The following PHLDB1 variants were observed in gnomAD, a reference collection of about 807,000 sequenced individuals.
PHLDB1 encodes pleckstrin homology like domain family B member 1, also known as pleckstrin homology-like domain family B member 1.
A neutral mutation model predicts 139.3 loss-of-function variants in PHLDB1; 65 were observed. The observed-to-expected ratio is 0.47, with a 90% CI of 0.38 to 0.57. The LOEUF (loss-of-function observed/expected upper bound fraction) is 0.57, where lower values mean the gene tolerates loss of function less well. Ranked by LOEUF, PHLDB1 falls within the 20% of genes least tolerant of loss-of-function variation. The probability of loss-of-function intolerance (pLI) is 0.00; values close to 1 mark genes in which losing one functional copy is unlikely to be tolerated. For synonymous variants in PHLDB1, 679 were observed against 734.5 expected (o/e 0.92, Z 1.22); for missense variants, 1,624 against 1,839.7 (o/e 0.88, Z 2.14).
intron 10 of PHLDB1, 106 bp from the exon 11 acceptor site, chr11:118,638,785 C>A (rs1946048886): frequency 2.5e-6 from 2 of 792,002 alleles, no homozygotes; most frequent in Non-Finnish European, 4.0e-6. Flanking sequence ...GCTGGTTGAT[C>A]CCCTTCACCT....
rs143449504 is a variant in PHLDB1, at chr11:118,639,208, C to T, written c.2693C>T (p.Thr898Ile). The change falls in exon 12 of 23, where the codon ACA (threonine) becomes ATA (isoleucine). Residue 898 changes from threonine to isoleucine, a missense_variant. By Grantham distance (89) the Thr-to-Ile change is moderately conservative (BLOSUM62 -1). Coordinates refer to ENST00000600882, the MANE Select transcript of PHLDB1 (RefSeq NM_001144758.3). ...CTGGAAAGGAGATACCACTCACTCACAGGGGGCAGGCCTTTCCCGAAGACC... is the reference window on the plus strand; with the variant it reads ...CTGGAAAGGAGATACCACTCACTCATAGGGGGCAGGCCTTTCCCGAAGACC... The part of the protein sequence containing the change: ...TVLERRYHSL[T>I]GGRPFPKTTS... The T allele has an allele frequency of 2.5e-6, 4 of 1,614,120 alleles. No individual in the cohort carries two copies. In the African/African-American group the frequency reaches 5.3e-5, roughly 22 times the overall value.
In PHLDB1 at chr11:118,643,883, T is replaced by C; in HGVS notation, c.2961T>C (p.Ser987=). The C allele has an allele frequency of 6.2e-7, 1 of 1,602,398 alleles. No homozygotes were observed. The highest frequency in any genetic ancestry group is 8.5e-7 in the Non-Finnish European group (1 of 1,171,310). The part of the protein sequence containing the change: ...RSGPLPSSSG[S]SSSSSQLSVA... ...GCCCCCTCCCCTCCTCCTCTGGCTC[T>C]TCCTCCTCCTCCTCCCAGCTCAGCG... is the stretch of plus-strand genomic sequence containing the variant. Residue 987 remains serine (S), a synonymous_variant, in exon 14 of 23, where the codon TCT becomes TCC. Transcript: ENST00000600882.
rs1555083402 is a variant in PHLDB1, at chr11:118,610,907, G to C, written c.-21-2909G>C. ...TCGCTCGTCAAATCCAGACACCTGG[G>C]CCTCCGCCACTCGGCTGCCGGGGCG... On this transcript the variant is annotated intron_variant, in intron 1 of 22. Coordinates refer to ENST00000600882, the MANE Select transcript of PHLDB1 (RefSeq NM_001144758.3). This position sits in a 1 kb window ranked among gnomAD's most constrained non-coding sequence, Gnocchi z 8.7. 6.6e-6 allele frequency among the ~76,000 whole-genome samples: 1 copy of C among 152,194 alleles called. No homozygotes were observed. The highest frequency in any genetic ancestry group is 2.4e-5 in the African/African-American group (1 of 41,462).
chr11:118,608,919 A>G lies in PHLDB1; in HGVS notation c.-22+1220A>G, dbSNP rs1293729420. On this transcript the variant is annotated intron_variant, in intron 1 of 22. Transcript: ENST00000600882. The surrounding 1 kb of genome is among the most constrained non-coding windows in gnomAD (Gnocchi z 6.7). Reference sequence around the variant, plus strand: ...GTCACACAGCCTACCTCACACACGCACCCCAGTCACACACACAACCCAGCT... The same window carrying G: ...GTCACACAGCCTACCTCACACACGCGCCCCAGTCACACACACAACCCAGCT... Among the ~76,000 whole-genome samples, 1 of 148,770 alleles carries G rather than the reference A, an allele frequency of 6.7e-6. No homozygotes were observed.
In PHLDB1 at chr11:118,639,048, G is replaced by A. The variant is rs528478467; in HGVS notation, c.2646+47G>A. 11 of 1,567,946 alleles carry A rather than the reference G, an allele frequency of 7.0e-6. No homozygotes were observed. In the East Asian group the frequency reaches 2.5e-4, roughly 35 times the overall value. ...CGGGAGATTTGGAGTAGGGTAAGTG[G>A]GAGGGGAGTGCAGAAGGACTGGGGT... On this transcript the variant is annotated intron_variant, in intron 11 of 22. Transcript: ENST00000600882.
Position 118,645,412 on chromosome 11 carries a change from G to A in PHLDB1, c.3178G>A (p.Ala1060Thr). Reference protein sequence around the residue: ...RRLAELKQKAAAEAQCQWDAL... With the variant: ...RRLAELKQKATAEAQCQWDAL... ...ACTGGCTGAGCTGAAGCAGAAAGCG[G>A]CAGCTGAGGCACAGTGCCAGTGGGA... The change falls in exon 16 of 23, where the codon GCA (alanine) becomes ACA (threonine). Residue 1060 changes from alanine (A) to threonine (T), a missense_variant. Ala to Thr is a moderately conservative substitution (Grantham distance 58). Transcript: ENST00000600882. This position sits in a 1 kb window ranked among gnomAD's most constrained non-coding sequence, Gnocchi z 5.1. 6.5e-7 allele frequency: 1 copy of A among 1,531,556 alleles called. No individual in the cohort carries two copies. The highest frequency in any genetic ancestry group is 8.8e-7 in the Non-Finnish European group (1 of 1,140,190). The allele number at this position is 1,531,556 out of a possible 1,614,324, so 94.9% of individuals were successfully genotyped here. A position where few individuals can be genotyped will look rare whatever the true frequency, so the allele number is the denominator to read the frequency against.
intron 21 of PHLDB1, 58 bp from the exon 22 acceptor site, chr11:118,655,802 A>G (rs750004345): frequency 1.3e-6 from 2 of 1,544,736 alleles, no homozygotes; most frequent in Non-Finnish European, 1.8e-6. Flanking sequence ...AGAGGCTCCA[A>G]CCCAGTCCTT....
At chr11:118,629,955 G>C (rs1944505176) in intron 6 of PHLDB1, 5 of 1,257,506 alleles carry the variant, frequency 4.0e-6, no homozygotes, top group East Asian at 5.6e-5. Context: ...ACCTCAACCA[G>C]GCTGCTTATC....
Position 118,650,175 on chromosome 11 carries a change from C to T in PHLDB1, c.3753C>T (p.His1251=), listed in dbSNP as rs377169216. ...GCCATGGTGTTGATACCTGCCTGCA[C>T]GTGGTGCTCAGCAGCAAGGTACAAG... The part of the protein sequence containing the change: ...SSGHGVDTCL[H]VVLSSKVCRG... The change falls in exon 19 of 23, where the codon CAC becomes CAT. Residue 1251 remains histidine (H), a synonymous_variant. Transcript: ENST00000600882. This position sits in a 1 kb window ranked among gnomAD's most constrained non-coding sequence, Gnocchi z 4.7. 29 of 1,612,852 alleles carry T rather than the reference C, an allele frequency of 1.8e-5. No homozygotes were observed. The highest frequency in any genetic ancestry group is 1.6e-4 in the Middle Eastern group (1 of 6,080).
intron 12 of PHLDB1, chr11:118,641,242 G>A (rs1946461356): frequency 6.5e-6 from 1 of 153,604 alleles, no homozygotes; most frequent in South Asian, 2.0e-4. Flanking sequence ...CAGCCACCGA[G>A]GGTGCCCACC....
In PHLDB1 at chr11:118,631,278, T is replaced by C. The variant is rs1309625864; in HGVS notation, c.1899T>C (p.Ala633=). 10 of 1,516,492 alleles carry C rather than the reference T, an allele frequency of 6.6e-6. No homozygotes were observed. The highest frequency in any genetic ancestry group is 1.4e-5 in the African/African-American group (1 of 69,834). 93.9% of individuals were successfully genotyped at this position (1,516,492 alleles called of 1,614,324 possible). The change falls in exon 7 of 23, where the codon GCT becomes GCC. Residue 633 remains alanine, a synonymous_variant. Transcript: ENST00000600882. The part of the protein sequence containing the change: ...EYSRADGGPE[A]GELPSIGEAT... ...GCCGGGCTGATGGGGGACCTGAGGC[T>C]GGGGAGCTTCCCAGCATTGGGGAGG...
intron 4 of PHLDB1, among the ~76,000 whole-genome samples, chr11:118,618,315 C>G (rs908450200): frequency 6.6e-6 from 1 of 152,142 alleles, no homozygotes; most frequent in African/African-American, 2.4e-5. Flanking sequence ...CTCCCCAGTC[C>G]TCCCCCTCCC....
chr11:118,650,250 G>A lies in PHLDB1; in HGVS notation c.3771+57G>A, dbSNP rs1555134933. ...GGAGAGGGAGAATCCCGTGGTGAGA[G>A]GCACCTCCTGGGTCGTTGGAATAGT... On this transcript the variant is annotated intron_variant, in intron 19 of 22. Transcript: ENST00000600882. The surrounding 1 kb of genome is among the most constrained non-coding windows in gnomAD (Gnocchi z 4.7). 8.3e-6 allele frequency: 11 copies of A among 1,317,586 alleles called. No individual in the cohort carries two copies. The highest frequency in any genetic ancestry group is 1.1e-5 in the Non-Finnish European group (10 of 910,210). 81.6% of individuals were successfully genotyped at this position (1,317,586 alleles called of 1,614,324 possible). A position where few individuals can be genotyped will look rare whatever the true frequency, so the allele number is the denominator to read the frequency against.
At chr11:118,623,117 GGCCT>G (rs1943142446) in intron 4 of PHLDB1, among the ~76,000 whole-genome samples, 1 of 152,202 alleles carries the variant, frequency 6.6e-6, no homozygotes. Flanking sequence ...TTGCCCTTGC[GGCCT>G]GCCTGAGCTG....
At chr11:118,607,537 C>T (rs2135571689), upstream of PHLDB1, 1 of 24,770 alleles carries the variant, frequency 4.0e-5, no homozygotes, top group African/African-American at 1.9e-4. Context: ...GGACGGGGGA[C>T]GGGGGCGGGG....
Position 118,632,955 on chromosome 11 carries a change from GC to G in PHLDB1, c.2379+662del. ...TGGATTTTTTGAGTTTCTTCCTCCT[GC>G]CCTCAATTTTGAGAATCTTAAAAAT... is the stretch of plus-strand genomic sequence containing the variant. On this transcript the variant is annotated intron_variant, in intron 9 of 22. Transcript: ENST00000600882. This position sits in a 1 kb window ranked among gnomAD's most constrained non-coding sequence, Gnocchi z 5.9. The G allele has an allele frequency of 2.2e-6, 1 of 448,334 alleles. No homozygotes were observed. Among genetic ancestry groups the G allele is most frequent in the Non-Finnish European group, 2.9e-6 (1 of 340,704 alleles). The allele number at this position is 448,334 out of a possible 1,614,324, so 27.8% of individuals were successfully genotyped here. A position where few individuals can be genotyped will look rare whatever the true frequency, so the allele number is the denominator to read the frequency against.
Position 118,655,601 on chromosome 11 carries a change from G to T in PHLDB1, c.3875-4G>T, listed in dbSNP as rs201996552. 5.0e-6 allele frequency: 8 copies of T among 1,604,002 alleles called. No homozygotes were observed. Among genetic ancestry groups the T allele is most frequent in the Non-Finnish European group, 6.8e-6 (8 of 1,170,952 alleles). ...TCCATAGCCCACCCTTACTTGCTTT[G>T]CAGACAAGCATGAGACGAAGCTGAA... On this transcript the variant is annotated splice_region_variant and splice_polypyrimidine_tract_variant and intron_variant, in intron 20 of 22. Coordinates refer to ENST00000600882, the MANE Select transcript of PHLDB1 (RefSeq NM_001144758.3).
In PHLDB1 at chr11:118,650,410, T is replaced by C. The variant is rs1948182286; in HGVS notation, c.3772-35T>C. The stretch of plus-strand genomic sequence containing the variant: ...ACACACTTAAGGCTTAAGGGCTGCA[T>C]ATTTGGGTCCTTCCTTACTCCTGCT... On this transcript the variant is annotated intron_variant, in intron 19 of 22. Transcript: ENST00000600882. This position sits in a 1 kb window ranked among gnomAD's most constrained non-coding sequence, Gnocchi z 4.7. 4 of 1,407,490 alleles carry C rather than the reference T, an allele frequency of 2.8e-6. No individual in the cohort carries two copies. The highest frequency in any genetic ancestry group is 1.7e-5 in the Admixed American group (1 of 59,752). The allele number at this position is 1,407,490 out of a possible 1,614,324, so 87.2% of individuals were successfully genotyped here. A position where few individuals can be genotyped will look rare whatever the true frequency, so the allele number is the denominator to read the frequency against.
chr11:118,633,753 G>A (rs1311606272), intron 9 of PHLDB1: 20 of 152,384 alleles, frequency 1.3e-4, no homozygotes, highest in Admixed American at 1.2e-3. Flanking sequence ...TAGACCCCAG[G>A]AACTGGCCTG....
Sources: gnomAD v4.1 joint callset for allele counts (sites outside exome capture counted in the v4.1 genomes callset) on GRCh38, gnomAD v4.1.1 for gene constraint, Gnocchi (gnomAD v3.1) non-coding constraint, MANE v1.5 for transcripts, NCBI Gene and HGNC (gene_info 2026-07-23, HGNC 2026-07-21) for gene names.